The following INTS8 variants were observed in gnomAD, a reference collection of about 807,000 sequenced individuals.
INTS8 encodes the protein protein kaonashi-1.
INTS8 carries 47 observed loss-of-function variants against 138.9 expected under a neutral mutation model. The observed-to-expected ratio is 0.34, with a 90% CI of 0.27 to 0.43. The LOEUF (loss-of-function observed/expected upper bound fraction) is 0.43, where lower values mean the gene tolerates loss of function less well. Among genes scored for constraint, INTS8 ranks in the 20% least tolerant of loss-of-function variants. INTS8 has a pLI of 1.00. For missense variants in INTS8, 996 were observed against 1,173.0 expected, an observed-to-expected ratio of 0.85 and a Z score of 2.20; for synonymous variants, 392 against 400.9, an observed-to-expected ratio of 0.98 and a Z score of 0.27.
At position 94,827,572 on chromosome 8, in the gene INTS8, A is replaced by G. The variant is rs191142007; in HGVS notation, c.447-150A>G. Reference sequence around the variant, plus strand: ...TTTGTGACTGCATAGATGAAAAGCAATCTGATAAAAATGTGGATGACTTAT... The same window carrying G: ...TTTGTGACTGCATAGATGAAAAGCAGTCTGATAAAAATGTGGATGACTTAT... On this transcript the variant is annotated intron_variant, in intron 3 of 26. Coordinates refer to ENST00000523731, the MANE Select transcript of INTS8 (RefSeq NM_017864.4). The G allele has an allele frequency of 1.2e-4, 123 of 1,003,208 alleles. No homozygotes were observed. The African/African-American group carries it at 1.6e-3, about 13-fold the overall frequency. The allele number at this position is 1,003,208 out of a possible 1,614,324, so 62.1% of individuals were successfully genotyped here.
Position 94,827,794 on chromosome 8 carries a change from G to GT in INTS8, c.518+2dup, listed in dbSNP as rs1814564694. On this transcript the variant is annotated splice_donor_variant, in intron 4 of 26. Coordinates refer to ENST00000523731, the MANE Select transcript of INTS8 (RefSeq NM_017864.4). LOFTEE classifies it high-confidence loss of function. ...AACCCGGACCCCCTCAGTTAAGTGT[G>GT]TAAGTTGGTGGCTATGACCTTTACT... The GT allele has an allele frequency of 1.9e-6, 3 of 1,612,420 alleles. No homozygotes were observed. The highest frequency in any genetic ancestry group is 2.5e-6 in the Non-Finnish European group (3 of 1,178,504).
chr8:94,873,777 A>C, intron 22 of INTS8: 1 of 211,686 alleles, frequency 4.7e-6, no homozygotes. Flanking sequence ...CAAAAACAAA[A>C]ACAAAAAACC....
At chr8:94,840,885 T>C (rs957197279) in intron 8 of INTS8, among the ~76,000 whole-genome samples, 1 of 151,264 alleles carries the variant, frequency 6.6e-6, no homozygotes, top group Non-Finnish European at 1.5e-5. Context: ...TAGTTTGTTT[T>C]ATGAGCTTGT....
At position 94,824,127 on chromosome 8, in the gene INTS8, GA is replaced by G. The variant is rs1361355831; in HGVS notation, c.130+567del. ...GATGGCTTTGTATAGTGATGATAAT[GA>G]TTAATAGCCCAGTTAAATGGGTGTG... On this transcript the variant is annotated intron_variant, in intron 1 of 26. Transcript: ENST00000523731. 3.3e-5 allele frequency among the ~76,000 whole-genome samples: 5 copies of G among 152,352 alleles called. No homozygotes were observed. The South Asian group carries it at 1.0e-3, about 32-fold the overall frequency.
chr8:94,878,019 G>C (rs900350445), intron 26 of INTS8, among the ~76,000 whole-genome samples: 3 of 152,172 alleles, frequency 2.0e-5, no homozygotes, highest in African/African-American at 7.2e-5. Flanking sequence ...GATGAACCAG[G>C]TGTGGGAACC....
In INTS8 at chr8:94,876,506, C is replaced by T. The variant is rs1394484265; in HGVS notation, c.2871+17C>T. Reference sequence around the variant, plus strand: ...CAAATTGCAGTAAGTTACCTTATGCCTTTCTTCAGTGGTACAGTTTCCAGA... The same window carrying T: ...CAAATTGCAGTAAGTTACCTTATGCTTTTCTTCAGTGGTACAGTTTCCAGA... On this transcript the variant is annotated intron_variant, in intron 26 of 26. Transcript: ENST00000523731. The T allele has an allele frequency of 1.3e-6, 2 of 1,492,630 alleles. No homozygotes were observed. The highest frequency in any genetic ancestry group is 2.8e-5 in the African/African-American group (2 of 71,918). 92.5% of individuals were successfully genotyped at this position (1,492,630 alleles called of 1,614,324 possible).
intron 26 of INTS8, among the ~76,000 whole-genome samples, chr8:94,877,999 G>A (rs952078630): frequency 6.6e-5 from 10 of 152,176 alleles, no homozygotes; most frequent in Admixed American, 1.3e-4. Flanking sequence ...AGTTTCCCGG[G>A]TAGTCTGGTG....
intron 15 of INTS8, among the ~76,000 whole-genome samples, chr8:94,858,427 T>C (rs760604651): frequency 1.3e-5 from 2 of 152,234 alleles, no homozygotes; most frequent in Non-Finnish European, 2.9e-5. Flanking sequence ...TCATGAGGAT[T>C]GATCTAATAA....
chr8:94,874,590 T>G lies in INTS8; in HGVS notation c.2676T>G (p.Asn892Lys), dbSNP rs777577501. Reference sequence around the variant, plus strand: ...TGATAAAATGTTGTTCTTTGCTGAATTGCCACACACAGGTTAGTTTATAAT... The same window carrying G: ...TGATAAAATGTTGTTCTTTGCTGAAGTGCCACACACAGGTTAGTTTATAAT... Reference protein sequence around the residue: ...KRMIKCCSLLNCHTQVAILCQ... With the variant: ...KRMIKCCSLLKCHTQVAILCQ... Residue 892 changes from asparagine to lysine, a missense_variant, in exon 23 of 27, where the codon AAT (asparagine) becomes AAG (lysine). Physicochemically the swap from Asn to Lys is moderately conservative, Grantham distance 94. Coordinates refer to ENST00000523731, the MANE Select transcript of INTS8 (RefSeq NM_017864.4). 6.3e-7 allele frequency: 1 copy of G among 1,577,486 alleles called. No homozygotes were observed. The highest frequency in any genetic ancestry group is 8.7e-7 in the Non-Finnish European group (1 of 1,147,198).
chr8:94,846,352 G>A (rs969129331), intron 10 of INTS8, among the ~76,000 whole-genome samples: 2 of 152,038 alleles, frequency 1.3e-5, no homozygotes, highest in East Asian at 1.9e-4. Flanking sequence ...TCTGCTTGGC[G>A]CAACCTCTGC....
Position 94,839,104 on chromosome 8 carries a change from A to G in INTS8, c.1017+486A>G, listed in dbSNP as rs561640325. On this transcript the variant is annotated intron_variant, in intron 8 of 26. Coordinates refer to ENST00000523731, the MANE Select transcript of INTS8 (RefSeq NM_017864.4). The stretch of plus-strand genomic sequence containing the variant: ...AGCTTTAGTAGCCCTTCCAAATAGT[A>G]AGACTGAAGGAGAAAGGGAGCACAG... 3.3e-5 allele frequency among the ~76,000 whole-genome samples: 5 copies of G among 152,296 alleles called. No homozygotes were observed. In the South Asian group the frequency reaches 1.0e-3, roughly 32 times the overall value.
intron 21 of INTS8, 104 bp downstream of exon 21, chr8:94,872,106 A>T (rs925436355): frequency 4.9e-6 from 3 of 609,246 alleles, no homozygotes; most frequent in Admixed American, 5.9e-5. Context: ...TTTTGTTGAG[A>T]TTTACTTGTC....
At position 94,877,391 on chromosome 8, in the gene INTS8, TAAAAAC is replaced by T. The variant is rs556282535; in HGVS notation, c.2871+908_2871+913del. ...TAGAAGAAACAATAATAACAGCACT[TAAAAAC>T]AAAAAGGAAAAAGAATGTGAAGGCC... On this transcript the variant is annotated intron_variant, in intron 26 of 26. Transcript: ENST00000523731. 6.4e-4 allele frequency among the ~76,000 whole-genome samples: 98 copies of T among 152,292 alleles called. No individual in the cohort carries two copies. The East Asian group carries it at 7.5e-3, about 12-fold the overall frequency.
chr8:94,863,413 G>A (rs1053207134), intron 16 of INTS8, among the ~76,000 whole-genome samples: 4 of 152,218 alleles, frequency 2.6e-5, no homozygotes, highest in Non-Finnish European at 4.4e-5. Flanking sequence ...TGATTTCTCT[G>A]ATGCTTTCCC....
chr8:94,853,343 A>G (rs1259927788), intron 13 of INTS8, among the ~76,000 whole-genome samples: 2 of 152,126 alleles, frequency 1.3e-5, no homozygotes, highest in African/African-American at 4.8e-5. Context: ...AATTTTTAAG[A>G]TGAACAAGTA....
rs557646132 is a variant in INTS8 at position 94,849,094 on chromosome 8, T to G, written c.1261-368T>G. Among the ~76,000 whole-genome samples the G allele has an allele frequency of 2.6e-5, 4 of 152,258 alleles. No homozygotes were observed. The South Asian group carries it at 8.3e-4, about 32-fold the overall frequency. ...TTACTCTTTTCAATTATTTTCTTTTTGGTTTTAAAAATTTTTTATTTTTTT... is the reference window on the plus strand; with the variant it reads ...TTACTCTTTTCAATTATTTTCTTTTGGGTTTTAAAAATTTTTTATTTTTTT... On this transcript the variant is annotated intron_variant, in intron 10 of 26. Coordinates refer to ENST00000523731, the MANE Select transcript of INTS8 (RefSeq NM_017864.4).
In INTS8 at chr8:94,859,949, A is replaced by G. The variant is rs1027332327; in HGVS notation, c.2076+317A>G. 2.0e-5 allele frequency: 4 copies of G among 202,520 alleles called. No individual in the cohort carries two copies. In the South Asian group the frequency reaches 4.0e-4, roughly 20 times the overall value. The allele number at this position is 202,520 out of a possible 1,614,324, so 12.5% of individuals were successfully genotyped here. A position where few individuals can be genotyped will look rare whatever the true frequency, so the allele number is the denominator to read the frequency against. ...TTGCTCTAATCACACTCTAGAACTG[A>G]TGGAGTCCGTCAGGGATGCACTTCT... On this transcript the variant is annotated intron_variant, in intron 16 of 26. Coordinates refer to ENST00000523731, the MANE Select transcript of INTS8 (RefSeq NM_017864.4).
chr8:94,831,482 C>CT (rs11482467), intron 5 of INTS8, among the ~76,000 whole-genome samples: 57,226 of 121,536 alleles, frequency 0.47, 14,163 homozygotes, highest in East Asian at 0.63. Flanking sequence ...TTGTCTTTTT[C>CT]TTTTTTTTTT....
chr8:94,864,951 A>G (rs1322104635), intron 16 of INTS8, among the ~76,000 whole-genome samples: 1 of 152,048 alleles, frequency 6.6e-6, no homozygotes, highest in Admixed American at 6.5e-5. Flanking sequence ...CTTTAAATCT[A>G]TATCCCTTAA....
Sources: allele counts gnomAD v4.1 joint callset (sites outside exome capture counted in the v4.1 genomes callset), GRCh38; gene constraint gnomAD v4.1.1; transcripts MANE v1.5; gene names NCBI Gene and HGNC (gene_info 2026-07-23, HGNC 2026-07-21).